The following DISC1 variants were observed in gnomAD, a reference collection of about 807,000 sequenced individuals.
DISC1 encodes disrupted in schizophrenia 1 protein.
In DISC1, 57 loss-of-function variants were observed where a neutral mutation model predicts 84.5. That is an observed-to-expected ratio of 0.67 (90% CI 0.55 to 0.84). The LOEUF (loss-of-function observed/expected upper bound fraction) is 0.84, where lower values mean the gene tolerates loss of function less well. Among genes scored for constraint, DISC1 ranks in the 40% least tolerant of loss-of-function variants. The probability of loss-of-function intolerance (pLI) is 0.00; values close to 1 mark genes in which losing one functional copy is unlikely to be tolerated. For synonymous variants in DISC1, 411 were observed against 415.2 expected (o/e 0.99, Z 0.12); for missense variants, 1,000 against 1,057.8 (o/e 0.95, Z 0.76).
intron 1 of DISC1, among the ~76,000 whole-genome samples, chr1:231,649,807 T>A (rs1160426175): frequency 1.3e-5 from 2 of 152,226 alleles, no homozygotes; most frequent in African/African-American, 4.8e-5. Context: ...TTTGCCATTA[T>A]GTAATGGCCT....
intron 1 of DISC1, among the ~76,000 whole-genome samples, chr1:231,648,507 G>A (rs919146230): frequency 4.6e-5 from 7 of 152,174 alleles, no homozygotes; most frequent in Non-Finnish European, 1.0e-4. Flanking sequence ...AGGGATATTG[G>A]TCTAAAATTC....
intron 9 of DISC1, among the ~76,000 whole-genome samples, chr1:231,820,418 T>C (rs1364083139): frequency 1.3e-5 from 2 of 152,232 alleles, no homozygotes; most frequent in Non-Finnish European, 2.9e-5. Flanking sequence ...CTTATGCACA[T>C]ACACATATGC....
At chr1:231,683,478 T>C (rs1208504830) in intron 1 of DISC1, among the ~76,000 whole-genome samples, 1 of 147,586 alleles carries the variant, frequency 6.8e-6, no homozygotes, top group African/African-American at 2.5e-5. Flanking sequence ...CAGGCTGGAG[T>C]GCAATGGCGT....
At chr1:231,672,792 T>A (rs766554853) in intron 1 of DISC1, among the ~76,000 whole-genome samples, 1 of 152,212 alleles carries the variant, frequency 6.6e-6, no homozygotes, top group African/African-American at 2.4e-5. Flanking sequence ...CTTGGCATTA[T>A]TGTACTAATT....
Position 231,708,710 on chromosome 1 carries a change from T to A in DISC1, c.1117+6686T>A, listed in dbSNP as rs188192724. 1.4e-3 allele frequency among the ~76,000 whole-genome samples: 215 copies of A among 152,300 alleles called. 1 individual carries two copies. Among genetic ancestry groups the A allele is most frequent in the South Asian group, 6.4e-3 (31 of 4,816 alleles). On this transcript the variant is annotated intron_variant, in intron 3 of 12. Coordinates refer to ENST00000439617, the MANE Select transcript of DISC1 (RefSeq NM_018662.3). ...CAATTTGTCTCCCATCCCTACTGGG[T>A]CTAGAGCATTTTGTGTCCCACTGTG...
At chr1:231,739,697 T>G (rs1286270124) in intron 3 of DISC1, among the ~76,000 whole-genome samples, 2 of 152,244 alleles carry the variant, frequency 1.3e-5, no homozygotes, top group East Asian at 3.8e-4. Context: ...GCAATGTTGA[T>G]TTACCCAAAG....
chr1:231,900,989 A>G (rs1184563311), intron 9 of DISC1, among the ~76,000 whole-genome samples: 4 of 152,238 alleles, frequency 2.6e-5, no homozygotes, highest in Admixed American at 6.5e-5. Flanking sequence ...AGCCACATAC[A>G]GAACCTCAAT....
chr1:231,971,496 C>A lies in DISC1; in HGVS notation c.2042+12608C>A, dbSNP rs201749552. On this transcript the variant is annotated intron_variant, in intron 10 of 12. Transcript: ENST00000439617. ...GCAGCCGTGGCAAATGTAGGTTAGACAAAATATTACATGCAACATTTTCTA... is the reference window on the plus strand; with the variant it reads ...GCAGCCGTGGCAAATGTAGGTTAGAAAAAATATTACATGCAACATTTTCTA... Among the ~76,000 whole-genome samples, 80 of 152,182 alleles carry A rather than the reference C, an allele frequency of 5.3e-4. 1 individual carries two copies. The highest frequency in any genetic ancestry group is 1.9e-4 in the Non-Finnish European group (13 of 68,024).
chr1:231,874,220 C>T (rs565830383), intron 9 of DISC1, among the ~76,000 whole-genome samples: 10 of 150,302 alleles, frequency 6.7e-5, no homozygotes, highest in East Asian at 2.0e-4. Flanking sequence ...TGCAGTGGCA[C>T]GTTCTTGGCT....
intron 1 of DISC1, among the ~76,000 whole-genome samples, chr1:231,676,045 C>T (rs1265812208): frequency 1.3e-5 from 2 of 152,148 alleles, no homozygotes; most frequent in Admixed American, 1.3e-4. Flanking sequence ...GACAGGGTTT[C>T]ACTGTGTTGG....
chr1:231,635,781 G>A (rs946371452), intron 1 of DISC1, among the ~76,000 whole-genome samples: 1 of 152,086 alleles, frequency 6.6e-6, no homozygotes, highest in Admixed American at 6.5e-5. Flanking sequence ...CAGATACTAT[G>A]ATAGCTCTTG....
At chr1:231,704,880 C>T (rs1423777096) in intron 3 of DISC1, among the ~76,000 whole-genome samples, 1 of 151,418 alleles carries the variant, frequency 6.6e-6, no homozygotes, top group Non-Finnish European at 1.5e-5. Context: ...GTGAGCCACA[C>T]TTAGAGTAAT....
intron 3 of DISC1, among the ~76,000 whole-genome samples, chr1:231,719,380 A>G (rs1332012944): frequency 6.6e-6 from 1 of 152,238 alleles, no homozygotes; most frequent in Admixed American, 6.5e-5. Context: ...ATCACTTATC[A>G]TCTTATTATC....
chr1:231,959,404 A>G (rs1213331100), intron 10 of DISC1: 15 of 985,748 alleles, frequency 1.5e-5, no homozygotes, highest in Non-Finnish European at 1.7e-5. Flanking sequence ...GCATGACAAG[A>G]TGTTTCTGGC....
At chr1:231,933,356 C>A (rs2090786968) in intron 9 of DISC1, among the ~76,000 whole-genome samples, 1 of 152,178 alleles carries the variant, frequency 6.6e-6, no homozygotes, top group African/African-American at 2.4e-5. Context: ...TGGGTTTTTG[C>A]TTTGAAAGTA....
At chr1:231,932,081 A>G (rs1471267675) in intron 9 of DISC1, among the ~76,000 whole-genome samples, 5 of 152,170 alleles carry the variant, frequency 3.3e-5, no homozygotes, top group African/African-American at 1.2e-4. Context: ...GCATTAACTC[A>G]GTGTCAGGAC....
chr1:232,028,113 CAT>C (rs1466868289), intron 12 of DISC1, among the ~76,000 whole-genome samples: 1 of 152,132 alleles, frequency 6.6e-6, no homozygotes, highest in African/African-American at 2.4e-5. Flanking sequence ...AGCATACAAA[CAT>C]AGAATAAGGA....
chr1:231,877,065 C>T (rs1033317166), intron 9 of DISC1, among the ~76,000 whole-genome samples: 1 of 152,096 alleles, frequency 6.6e-6, no homozygotes, highest in African/African-American at 2.4e-5. Flanking sequence ...ATCAGTGGGT[C>T]AAGTCAGCAG....
rs201910289 is a variant in DISC1 at position 231,826,325 on chromosome 1, C to T, written c.1981+7808C>T. 1.8e-4 allele frequency among the ~76,000 whole-genome samples: 27 copies of T among 152,144 alleles called. No homozygotes were observed. The highest frequency in any genetic ancestry group is 3.5e-4 in the Non-Finnish European group (24 of 68,028). ...CTAACGTCAGTCTCTCTATCCATCCCGCAACCTCATCACCCTACCTAAATA... is the reference window on the plus strand; with the variant it reads ...CTAACGTCAGTCTCTCTATCCATCCTGCAACCTCATCACCCTACCTAAATA... On this transcript the variant is annotated intron_variant, in intron 9 of 12. Transcript: ENST00000439617. The surrounding 1 kb of genome is among the most constrained non-coding windows in gnomAD (Gnocchi z 4.2).
Sources: allele counts gnomAD v4.1 joint callset (sites outside exome capture counted in the v4.1 genomes callset), GRCh38; gene constraint gnomAD v4.1.1; non-coding constraint Gnocchi (gnomAD v3.1); transcripts MANE v1.5; gene names NCBI Gene and HGNC (gene_info 2026-07-23, HGNC 2026-07-21).